Variants in ZFC3H1 observed in about 807,000 individuals in gnomAD.
ZFC3H1 encodes the protein zinc finger C3H1 domain-containing protein.
ZFC3H1 carries 71 observed loss-of-function variants against 243.7 expected under a neutral mutation model. The ratio of observed to expected loss-of-function variants is 0.29; its 90% confidence interval spans 0.24 to 0.36. ZFC3H1 has a LOEUF of 0.36. Ranked by LOEUF, ZFC3H1 falls within the 10% of genes least tolerant of loss-of-function variation. ZFC3H1 has a pLI of 1.00. For missense variants in ZFC3H1, 1,966 were observed against 2,317.1 expected, an observed-to-expected ratio of 0.85 and a Z score of 3.11; for synonymous variants, 838 against 813.0, an observed-to-expected ratio of 1.03 and a Z score of -0.52.
intron 26 of ZFC3H1, 84 bp downstream of exon 26, chr12:71,619,842 G>T: frequency 7.9e-7 from 1 of 1,259,902 alleles, no homozygotes. Flanking sequence ...AGGGTAAAAG[G>T]ACCAGGAAAC....
intron 12 of ZFC3H1, 48 bp from the exon 13 acceptor site, chr12:71,633,486 A>G (rs776050057): frequency 1.4e-6 from 2 of 1,439,786 alleles, no homozygotes; most frequent in Non-Finnish European, 1.9e-6. Context: ...CTACAAGAGC[A>G]GACTGTCAGA....
rs765004801 is a variant in ZFC3H1, at chr12:71,637,106, CA to C, written c.1726-48del. On this transcript the variant is annotated intron_variant, in intron 7 of 34. Coordinates refer to ENST00000378743, the MANE Select transcript of ZFC3H1 (RefSeq NM_144982.5). Reference sequence around the variant, plus strand: ...AATTACAACGCAAATTTTATCAACTCAAATGCTTCTCTCTGCAGCAATATTA... The same window carrying C: ...AATTACAACGCAAATTTTATCAACTCAATGCTTCTCTCTGCAGCAATATTA... 8.7e-6 allele frequency: 13 copies of C among 1,493,500 alleles called. No individual in the cohort carries two copies. The African/African-American group carries it at 1.7e-4, about 19-fold the overall frequency. 92.5% of individuals were successfully genotyped at this position (1,493,500 alleles called of 1,614,324 possible).
At chr12:71,626,237 C>A (rs911373046) in intron 22 of ZFC3H1, 23 bp downstream of exon 22, 1 of 1,609,026 alleles carries the variant, frequency 6.2e-7, no homozygotes, top group Non-Finnish European at 8.5e-7. Context: ...CACACACACA[C>A]GTACGTTATC....
rs761167705 is a variant in ZFC3H1, at chr12:71,624,142, A to T, written c.4468T>A (p.Phe1490Ile). The change falls in exon 23 of 35, where the codon TTT (phenylalanine) becomes ATT (isoleucine). Residue 1490 changes from phenylalanine to isoleucine, a missense_variant. Physicochemically the swap from Phe to Ile is conservative, Grantham distance 21. Around this residue, in one of 4 missense-constraint regions of ZFC3H1, gnomAD observed 1,383 missense variants for 1,723.7 expected, o/e 0.80. Coordinates refer to ENST00000378743, the MANE Select transcript of ZFC3H1 (RefSeq NM_144982.5). ...ALLFRVQLHIFTGRCQSALAI... is the reference protein window; with the variant it reads ...ALLFRVQLHIITGRCQSALAI... Reference sequence around the variant, plus strand: ...AGTGCACTTTGGCATCTTCCAGTAAATATGTGCAGCTGAACTCTAAACAAA... The same window carrying T: ...AGTGCACTTTGGCATCTTCCAGTAATTATGTGCAGCTGAACTCTAAACAAA... The T allele has an allele frequency of 1.9e-6, 3 of 1,613,336 alleles. No individual in the cohort carries two copies. In the African/African-American group the frequency reaches 4.0e-5, roughly 22 times the overall value.
chr12:71,655,648 T>C (rs996501883), intron 2 of ZFC3H1, among the ~76,000 whole-genome samples: 5 of 152,120 alleles, frequency 3.3e-5, no homozygotes, highest in Non-Finnish European at 7.4e-5. Flanking sequence ...CGAAGTTAGA[T>C]TAAAACTTTC....
intron 21 of ZFC3H1, among the ~76,000 whole-genome samples, chr12:71,626,814 G>T (rs1286684844): frequency 6.6e-6 from 1 of 152,106 alleles, no homozygotes; most frequent in Non-Finnish European, 1.5e-5. Context: ...CTCTCTCAAG[G>T]CCAGCTACTG....
In ZFC3H1 at chr12:71,663,845, T is replaced by C. The variant is rs1246278821; in HGVS notation, c.-235A>G. Reference sequence around the variant, plus strand: ...CCCCCTTGCTCCTCAGCGATCGGGGTTCTTCCGCCTCGCGAGAAAGGGACT... The same window carrying C: ...CCCCCTTGCTCCTCAGCGATCGGGGCTCTTCCGCCTCGCGAGAAAGGGACT... On this transcript the variant is annotated 5_prime_UTR_variant, in exon 1 of 35. Transcript: ENST00000378743. The C allele has an allele frequency of 1.8e-6, 1 of 563,578 alleles. No homozygotes were observed. The highest frequency in any genetic ancestry group is 3.2e-5 in the Admixed American group (1 of 30,986). 34.9% of individuals were successfully genotyped at this position (563,578 alleles called of 1,614,324 possible). A position where few individuals can be genotyped will look rare whatever the true frequency, so the allele number is the denominator to read the frequency against.
In ZFC3H1 at chr12:71,663,468, C is replaced by T; in HGVS notation, c.143G>A (p.Gly48Glu). The change falls in exon 1 of 35, where the codon GGG becomes GAG. Residue 48 changes from glycine to glutamate, a missense_variant. Transcript: ENST00000378743. ...SRSSSSSSGGGLLPYPRRRPP... is the reference protein window; with the variant it reads ...SRSSSSSSGGELLPYPRRRPP... ...CCTTCGCCGCGGATAGGGTAACAGCCCGCCGCCGCTGCTGCTGCTGCTGCT... is the reference window on the plus strand; with the variant it reads ...CCTTCGCCGCGGATAGGGTAACAGCTCGCCGCCGCTGCTGCTGCTGCTGCT... 3 of 1,612,748 alleles carry T rather than the reference C, an allele frequency of 1.9e-6. No individual in the cohort carries two copies. Among genetic ancestry groups the T allele is most frequent in the East Asian group, 2.2e-5 (1 of 44,878 alleles).
At chr12:71,634,992 A>G (rs1880424190) in intron 10 of ZFC3H1, among the ~76,000 whole-genome samples, 167 bp from the exon 11 acceptor site, 1 of 152,230 alleles carries the variant, frequency 6.6e-6, no homozygotes, top group Non-Finnish European at 1.5e-5. Context: ...GTTGATAACT[A>G]CTAAATTGTA....
chr12:71,622,335 G>A (rs951731445), intron 24 of ZFC3H1, among the ~76,000 whole-genome samples: 1 of 152,124 alleles, frequency 6.6e-6, no homozygotes, highest in East Asian at 1.9e-4. Flanking sequence ...GCCATGCTTC[G>A]ACATCTAGCT....
In ZFC3H1 at chr12:71,620,818, T is replaced by C. The variant is rs961997172; in HGVS notation, c.4745-503A>G. ...TCTTTCTTGATCTTTTTGCCACTTA[T>C]TAAACGGTACAATGTTTTACTTTGC... On this transcript the variant is annotated intron_variant, in intron 24 of 34. Coordinates refer to ENST00000378743, the MANE Select transcript of ZFC3H1 (RefSeq NM_144982.5). Among the ~76,000 whole-genome samples, 9 of 152,218 alleles carry C rather than the reference T, an allele frequency of 5.9e-5. No individual in the cohort carries two copies. In the East Asian group the frequency reaches 1.3e-3, roughly 23 times the overall value.
chr12:71,661,644 GCTAA>G (rs1237849017), intron 1 of ZFC3H1, among the ~76,000 whole-genome samples: 8 of 152,022 alleles, frequency 5.3e-5, no homozygotes, highest in African/African-American at 1.9e-4. Flanking sequence ...ACCACGCCTG[GCTAA>G]CTTTTTTATT....
intron 2 of ZFC3H1, among the ~76,000 whole-genome samples, chr12:71,652,378 T>C (rs1880911681): frequency 6.6e-6 from 1 of 152,204 alleles, no homozygotes; most frequent in Non-Finnish European, 1.5e-5. Context: ...AGCAAAATAT[T>C]AAAGGCCTTC....
At chr12:71,627,444 A>C (rs966256019) in intron 21 of ZFC3H1, among the ~76,000 whole-genome samples, 2 of 152,156 alleles carry the variant, frequency 1.3e-5, no homozygotes, top group Non-Finnish European at 2.9e-5. Context: ...TTTTTAAAAA[A>C]CAATCAACCA....
At chr12:71,627,969 T>C in intron 20 of ZFC3H1, 35 bp from the exon 21 acceptor site, 1 of 1,588,574 alleles carries the variant, frequency 6.3e-7, no homozygotes, top group Non-Finnish European at 8.6e-7. Flanking sequence ...GCTTCACATT[T>C]TCTTTAGTCC....
chr12:71,611,798 G>A lies in ZFC3H1; in HGVS notation c.5717C>T (p.Ala1906Val). The A allele has an allele frequency of 6.2e-7, 1 of 1,605,604 alleles. No individual in the cohort carries two copies. The highest frequency in any genetic ancestry group is 8.5e-7 in the Non-Finnish European group (1 of 1,174,750). Residue 1906 changes from alanine (A) to valine (V), a missense_variant, in exon 32 of 35, where the codon GCC (alanine) becomes GTC (valine). This residue lies in a region of ZFC3H1 where 1,383 missense variants were observed against 1,723.7 expected (regional missense o/e 0.80). Coordinates refer to ENST00000378743, the MANE Select transcript of ZFC3H1 (RefSeq NM_144982.5). The part of the protein sequence containing the change: ...MFTYNIPTCL[A>V]TWKIAIAAEI... ...ATTGTTGCATTACATTTTCCAGGTG[G>A]CCAGGCATGTTGGGATATTATATGT...
rs865774117 is a variant in ZFC3H1, at chr12:71,629,624, C to G, written c.3811G>C (p.Glu1271Gln). ...MAVLLVSNIN[E>Q]SKGHTPPFTT... ...ATGTACTTACTATGACCTTTACTTTCATTGATATTGCTAACAAGGAGAACA... is the reference window on the plus strand; with the variant it reads ...ATGTACTTACTATGACCTTTACTTTGATTGATATTGCTAACAAGGAGAACA... Residue 1271 changes from glutamate to glutamine, a missense_variant, in exon 19 of 35, where the codon GAA becomes CAA. Around this residue, in one of 4 missense-constraint regions of ZFC3H1, gnomAD observed 1,383 missense variants for 1,723.7 expected, o/e 0.80. Transcript: ENST00000378743. 4 of 1,606,676 alleles carry G rather than the reference C, an allele frequency of 2.5e-6. No individual in the cohort carries two copies. Among genetic ancestry groups the G allele is most frequent in the Non-Finnish European group, 2.6e-6 (3 of 1,174,972 alleles).
chr12:71,619,965 T>C lies in ZFC3H1; in HGVS notation c.5010A>G (p.Ala1670=). 6.2e-7 allele frequency: 1 copy of C among 1,602,292 alleles called. No individual in the cohort carries two copies. The highest frequency in any genetic ancestry group is 2.2e-5 in the East Asian group (1 of 44,630). The change falls in exon 26 of 35, where the codon GCA becomes GCG. Residue 1670 remains alanine, a synonymous_variant. Coordinates refer to ENST00000378743, the MANE Select transcript of ZFC3H1 (RefSeq NM_144982.5). ...LTAFEKNPQN[A]EVFYHMCKFF... is the part of the protein sequence containing the mutation. ...ATTTGCACATATGATAAAAAACCTC[T>C]GCATTCTGAGGATTTTTTTCAAATG...
chr12:71,652,551 A>T (rs752583942), intron 2 of ZFC3H1, among the ~76,000 whole-genome samples: 4 of 152,188 alleles, frequency 2.6e-5, no homozygotes, highest in Non-Finnish European at 5.9e-5. Context: ...TCCCCAGTGG[A>T]AAAGATTCAT....
Sources: gnomAD v4.1 joint callset for allele counts (sites outside exome capture counted in the v4.1 genomes callset) on GRCh38, gnomAD v4.1.1 for gene constraint, gnomAD v4.1.1 regional missense constraint, MANE v1.5 for transcripts, NCBI Gene and HGNC (gene_info 2026-07-23, HGNC 2026-07-21) for gene names.